ITIH5: variants seen among roughly 807,000 people sequenced by gnomAD.
ITIH5 encodes the protein inter-alpha-trypsin inhibitor heavy chain H5.
ITIH5 carries 65 observed loss-of-function variants against 77.5 expected under a neutral mutation model. The ratio of observed to expected loss-of-function variants is 0.84; its 90% CI spans 0.69 to 1.03. ITIH5 has a LOEUF of 1.03. Among genes scored for constraint, ITIH5 ranks in the 50% least tolerant of loss-of-function variants. The pLI is 0.00. For synonymous variants in ITIH5, 525 were observed against 494.3 expected, an observed-to-expected ratio of 1.06 and a Z score of -0.82; for missense variants, 1,208 against 1,213.1, an observed-to-expected ratio of 1.00 and a Z score of 0.06.
At chr10:7,575,312 G>A (rs182234291) in intron 10 of ITIH5, among the ~76,000 whole-genome samples, 278 of 152,270 alleles carry the variant, frequency 1.8e-3, no homozygotes, top group African/African-American at 6.5e-3. Context: ...CCTGCCTCAG[G>A]CCTCACAGCT....
intron 4 of ITIH5, among the ~76,000 whole-genome samples, chr10:7,637,971 T>C (rs1833828631): frequency 6.6e-6 from 1 of 152,176 alleles, no homozygotes; most frequent in African/African-American, 2.4e-5. Flanking sequence ...CTGACAAAAA[T>C]ACACTCCAGA....
chr10:7,655,563 A>G, intron 2 of ITIH5, 68 bp downstream of exon 2: 3 of 1,292,954 alleles, frequency 2.3e-6, no homozygotes, highest in Non-Finnish European at 3.4e-6. Flanking sequence ...AGCAAAGTGG[A>G]TACCTGGTTC....
intron 1 of ITIH5, among the ~76,000 whole-genome samples, chr10:7,656,893 G>A (rs1180524110): frequency 2.7e-5 from 4 of 150,564 alleles, no homozygotes; most frequent in African/African-American, 9.8e-5. Flanking sequence ...ACAGGTGCCT[G>A]CCACTACGCC....
Position 7,568,674 on chromosome 10 carries a change from A to G in ITIH5, c.2149+994T>C, listed in dbSNP as rs531009156. On this transcript the variant is annotated intron_variant, in intron 12 of 13. Coordinates refer to ENST00000397146, the MANE Select transcript of ITIH5 (RefSeq NM_030569.7). Reference sequence around the variant, plus strand: ...CAACATTCCAAGACACGTTCTCAGCAGTGAGGAAGTGCCGGGGTGCCCACT... The same window carrying G: ...CAACATTCCAAGACACGTTCTCAGCGGTGAGGAAGTGCCGGGGTGCCCACT... 2.0e-5 allele frequency among the ~76,000 whole-genome samples: 3 copies of G among 152,338 alleles called. No homozygotes were observed. In the South Asian group the frequency reaches 6.2e-4, roughly 32 times the overall value.
At chr10:7,606,437 A>G (rs1249121534) in intron 7 of ITIH5, among the ~76,000 whole-genome samples, 1 of 152,216 alleles carries the variant, frequency 6.6e-6, no homozygotes, top group Non-Finnish European at 1.5e-5. Context: ...AAAGTATAAG[A>G]TCATGTCCTT....
At chr10:7,654,534 T>G (rs1834149684) in intron 2 of ITIH5, among the ~76,000 whole-genome samples, 1 of 152,234 alleles carries the variant, frequency 6.6e-6, no homozygotes, top group African/African-American at 2.4e-5. Flanking sequence ...CAGGCAGGCT[T>G]AGTGCTCATT....
At chr10:7,566,838 GGAAGAGGAAGAAGAAGAAGAAGAA>G (rs1832185073) in intron 12 of ITIH5, among the ~76,000 whole-genome samples, 220 of 11,944 alleles carry the variant, frequency 0.018, 2 homozygotes, top group Non-Finnish European at 0.024. Flanking sequence ...AAGAGGAAGA[GGAAGAGGAAGAAGAAGAAGAAGAA>G]GAAGAAGAAG....
At chr10:7,580,447 C>T (rs762362690) in intron 8 of ITIH5, among the ~76,000 whole-genome samples, 8 of 152,202 alleles carry the variant, frequency 5.3e-5, no homozygotes, top group African/African-American at 1.2e-4. Flanking sequence ...CTGCAGTTCA[C>T]GCTCAACCAC....
intron 1 of ITIH5, among the ~76,000 whole-genome samples, chr10:7,664,950 A>C (rs1276284333): frequency 6.6e-6 from 1 of 152,232 alleles, no homozygotes; most frequent in Non-Finnish European, 1.5e-5. Context: ...ACTCCTCAGT[A>C]AGTGCAGAGC....
chr10:7,635,974 A>G (rs1307898604), intron 5 of ITIH5, among the ~76,000 whole-genome samples: 1 of 152,116 alleles, frequency 6.6e-6, no homozygotes, highest in East Asian at 1.9e-4. Context: ...TCAATGTCAC[A>G]ATTCTCTGAA....
intron 8 of ITIH5, among the ~76,000 whole-genome samples, chr10:7,585,425 C>T (rs141547660): frequency 5.2e-4 from 79 of 152,294 alleles, no homozygotes; most frequent in African/African-American, 1.9e-3. Context: ...ATTTTACCTC[C>T]GCAACCCTCC....
Position 7,666,838 on chromosome 10 carries a change from C to A in ITIH5, c.55G>T (p.Glu19Ter), listed in dbSNP as rs953280479. 1.2e-6 allele frequency: 2 copies of A among 1,609,334 alleles called. No individual in the cohort carries two copies. Among genetic ancestry groups the A allele is most frequent in the African/African-American group, 1.3e-5 (1 of 74,520 alleles). Reference sequence around the variant, plus strand: ...GAGTGGCCCCAGCTCTGCGCCTCTTCCTGCGACCCCACACACAGGGACAGC... The same window carrying A: ...GAGTGGCCCCAGCTCTGCGCCTCTTACTGCGACCCCACACACAGGGACAGC... ...LGLSLCVGSQ[E>*]EAQSWGHSSE... The change falls in exon 1 of 14, where the codon GAA becomes TAA. Residue 19 changes from glutamate (E) to a stop codon, truncating the protein, a stop_gained. Transcript: ENST00000397146. LOFTEE classifies it high-confidence loss of function.
chr10:7,576,238 G>A (rs1832410912), intron 10 of ITIH5, among the ~76,000 whole-genome samples: 1 of 152,048 alleles, frequency 6.6e-6, no homozygotes. Flanking sequence ...TGTTGCCCAA[G>A]CTGGTATTGA....
intron 7 of ITIH5, among the ~76,000 whole-genome samples, chr10:7,592,344 C>T (rs1458612074): frequency 2.0e-5 from 3 of 152,048 alleles, no homozygotes; most frequent in Non-Finnish European, 4.4e-5. Context: ...CCCTGCCCCA[C>T]CCTCCCAACA....
intron 7 of ITIH5, among the ~76,000 whole-genome samples, chr10:7,591,640 G>A (rs1832795365): frequency 6.6e-6 from 1 of 151,998 alleles, no homozygotes; most frequent in South Asian, 2.1e-4. Flanking sequence ...CTCAGTCTTT[G>A]CTGCTGCAGG....
At chr10:7,594,291 A>T (rs1774730619) in intron 7 of ITIH5, among the ~76,000 whole-genome samples, 1 of 152,152 alleles carries the variant, frequency 6.6e-6, no homozygotes, top group African/African-American at 2.4e-5. Flanking sequence ...TGATGGACAC[A>T]GCTGGTCACC....
chr10:7,641,076 T>A (rs1833878246), intron 3 of ITIH5, among the ~76,000 whole-genome samples: 1 of 152,230 alleles, frequency 6.6e-6, no homozygotes, highest in African/African-American at 2.4e-5. Flanking sequence ...GGTGCCTCTG[T>A]GATTCTCCAG....
intron 7 of ITIH5, among the ~76,000 whole-genome samples, chr10:7,597,850 A>C (rs554988426): frequency 1.3e-5 from 2 of 152,318 alleles, no homozygotes; most frequent in South Asian, 4.1e-4. Context: ...GTCATTCAGT[A>C]ATTTGAAGGA....
chr10:7,650,483 C>A (rs560294815), intron 2 of ITIH5, among the ~76,000 whole-genome samples: 3 of 152,246 alleles, frequency 2.0e-5, no homozygotes, highest in African/African-American at 7.2e-5. Flanking sequence ...TGCCTGTAAT[C>A]CCAGCACTTT....
Sources: allele counts gnomAD v4.1 joint callset (sites outside exome capture counted in the v4.1 genomes callset), GRCh38; gene constraint gnomAD v4.1.1; transcripts MANE v1.5; gene names NCBI Gene and HGNC (gene_info 2026-07-23, HGNC 2026-07-21).